The following HIBCH variants were observed in gnomAD, a reference collection of about 807,000 sequenced individuals.
HIBCH encodes 3-hydroxyisobutyryl-CoA hydrolase, mitochondrial.
Under a neutral mutation model 58.2 loss-of-function variants are expected in HIBCH, and 50 were observed. The observed-to-expected ratio is 0.86, with a 90% CI of 0.68 to 1.09. The LOEUF (loss-of-function observed/expected upper bound fraction) is 1.09, where lower values mean the gene tolerates loss of function less well. Among genes scored for constraint, HIBCH ranks in the 50% least tolerant of loss-of-function variants. The probability of loss-of-function intolerance (pLI) is 0.00; values close to 1 mark genes in which losing one functional copy is unlikely to be tolerated. For synonymous variants in HIBCH, 151 were observed against 146.9 expected, an observed-to-expected ratio of 1.03 and a Z score of -0.20; for missense variants, 450 against 449.7, an observed-to-expected ratio of 1.00 and a Z score of -0.01.
chr2:190,192,164 G>A (rs976954316), intron 1 of HIBCH, among the ~76,000 whole-genome samples: 2 of 152,070 alleles, frequency 1.3e-5, no homozygotes, highest in Non-Finnish European at 2.9e-5. Flanking sequence ...GGTGGGGGGA[G>A]AGTATGTGAA....
At chr2:190,219,663 C>G (rs1685660202) in intron 11 of HIBCH, among the ~76,000 whole-genome samples, 1 of 152,156 alleles carries the variant, frequency 6.6e-6, no homozygotes, top group Non-Finnish European at 1.5e-5. Flanking sequence ...ACACCTAAAG[C>G]CCTGCCTAAC....
At chr2:190,242,036 T>C (rs1378386558) in intron 11 of HIBCH, among the ~76,000 whole-genome samples, 1 of 152,184 alleles carries the variant, frequency 6.6e-6, no homozygotes, top group Non-Finnish European at 1.5e-5. Context: ...GAAGTTCTCC[T>C]GCACAATATC....
At chr2:190,193,902 C>A (rs1689839002) in intron 1 of HIBCH, among the ~76,000 whole-genome samples, 1 of 152,012 alleles carries the variant, frequency 6.6e-6, no homozygotes, top group East Asian at 1.9e-4. Context: ...AACTTTTCTT[C>A]TTTTCTATTA....
In HIBCH at chr2:190,301,743, A is replaced by C. The variant is rs183200927; in HGVS notation, c.79-4790T>G. Among the ~76,000 whole-genome samples the C allele has an allele frequency of 1.1e-4, 16 of 152,368 alleles. No individual in the cohort carries two copies. In the East Asian group the frequency reaches 2.9e-3, roughly 28 times the overall value. On this transcript the variant is annotated intron_variant, in intron 2 of 13. Coordinates refer to ENST00000359678, the MANE Select transcript of HIBCH (RefSeq NM_014362.4). ...GCTAGGAAGTTCAAGATCAAGATCA[A>C]GGCAAGTTCAAGTTCGAGATTCAGT...
chr2:190,250,862 A>G (rs1431496118), intron 8 of HIBCH, among the ~76,000 whole-genome samples: 1 of 152,258 alleles, frequency 6.6e-6, no homozygotes, highest in Non-Finnish European at 1.5e-5. Context: ...AAGTTTATGA[A>G]GAGAATTCTA....
chr2:190,313,232 C>CCCTT (rs35883602), intron 1 of HIBCH, among the ~76,000 whole-genome samples: 85,986 of 151,496 alleles, frequency 0.57, 25,101 homozygotes, highest in South Asian at 0.61. Flanking sequence ...CAGCCTATTC[C>CCCTT]CCTTATTTAA....
intron 6 of HIBCH, among the ~76,000 whole-genome samples, chr2:190,282,313 T>C (rs1298703214): frequency 6.6e-6 from 1 of 152,218 alleles, no homozygotes; most frequent in African/African-American, 2.4e-5. Flanking sequence ...ATTTAGGTGA[T>C]GGTTCTACAA....
chr2:190,232,751 G>T (rs917752819), intron 11 of HIBCH, among the ~76,000 whole-genome samples: 3 of 152,174 alleles, frequency 2.0e-5, no homozygotes, highest in African/African-American at 7.2e-5. Context: ...GAGGTCAGGA[G>T]ATCGAGACCA....
chr2:190,291,490 C>T (rs1310543602), intron 4 of HIBCH, among the ~76,000 whole-genome samples: 1 of 152,086 alleles, frequency 6.6e-6, no homozygotes, highest in Non-Finnish European at 1.5e-5. Flanking sequence ...CAGTACCCTA[C>T]AAAGCCTCAA....
At chr2:190,247,758 T>A (rs926394109) in intron 9 of HIBCH, among the ~76,000 whole-genome samples, 2 of 152,226 alleles carry the variant, frequency 1.3e-5, no homozygotes, top group African/African-American at 4.8e-5. Flanking sequence ...GGTCAGCCAG[T>A]AGCCATCAAC....
intron 6 of HIBCH, among the ~76,000 whole-genome samples, chr2:190,270,806 T>G (rs1274934104): frequency 2.0e-5 from 3 of 152,192 alleles, no homozygotes; most frequent in African/African-American, 7.2e-5. Context: ...CAAAGATTTT[T>G]ACTATGTTTC....
At chr2:190,253,146 T>C (rs1046742092) in intron 7 of HIBCH, among the ~76,000 whole-genome samples, 7 of 152,176 alleles carry the variant, frequency 4.6e-5, no homozygotes, top group African/African-American at 1.7e-4. Flanking sequence ...CTAATGCCAC[T>C]GCACTGCAGC....
At chr2:190,212,905 C>A (rs752558202) in intron 12 of HIBCH, 51 bp downstream of exon 12, 1 of 1,489,388 alleles carries the variant, frequency 6.7e-7, no homozygotes, top group South Asian at 1.1e-5. Flanking sequence ...CTACAATAAA[C>A]GTATGTTACT....
At chr2:190,219,175 C>T (rs747687127) in intron 11 of HIBCH, among the ~76,000 whole-genome samples, 3 of 152,104 alleles carry the variant, frequency 2.0e-5, no homozygotes, top group African/African-American at 4.8e-5. Flanking sequence ...CTAACAAATT[C>T]TTTTAATTCT....
chr2:190,284,423 C>G (rs952695646), intron 6 of HIBCH, among the ~76,000 whole-genome samples: 2 of 152,106 alleles, frequency 1.3e-5, no homozygotes, highest in Non-Finnish European at 2.9e-5. Context: ...CACCAAAGGG[C>G]AGCTTACCAA....
intron 11 of HIBCH, among the ~76,000 whole-genome samples, chr2:190,239,025 C>A (rs924101883): frequency 2.0e-5 from 3 of 152,160 alleles, no homozygotes; most frequent in Non-Finnish European, 4.4e-5. Context: ...GTGGTTTAGT[C>A]ATGAAGTCTT....
chr2:190,208,057 T>C (rs867129983), intron 13 of HIBCH, among the ~76,000 whole-genome samples: 1 of 152,222 alleles, frequency 6.6e-6, no homozygotes, highest in Admixed American at 6.5e-5. Context: ...TAAAAAGGAA[T>C]TGTTGCAAGT....
chr2:190,237,906 T>C (rs1686328157), intron 11 of HIBCH, among the ~76,000 whole-genome samples: 3 of 152,050 alleles, frequency 2.0e-5, no homozygotes, highest in South Asian at 2.1e-4. Flanking sequence ...CACTTATGAG[T>C]GAGAACATGC....
intron 1 of HIBCH, among the ~76,000 whole-genome samples, chr2:190,312,091 T>C (rs986809593): frequency 6.6e-6 from 1 of 152,116 alleles, no homozygotes; most frequent in South Asian, 2.1e-4. Context: ...ATGTAAATTA[T>C]AATAAGAAAG....
Sources: gnomAD v4.1 joint callset for allele counts (sites outside exome capture counted in the v4.1 genomes callset) on GRCh38, gnomAD v4.1.1 for gene constraint, MANE v1.5 for transcripts, NCBI Gene and HGNC (gene_info 2026-07-23, HGNC 2026-07-21) for gene names.